The following TXNDC5 variants were observed in gnomAD, a reference collection of about 807,000 sequenced individuals.
TXNDC5 encodes the protein thioredoxin domain-containing protein 5.
A neutral mutation model predicts 52.6 loss-of-function variants in TXNDC5; 44 were observed. The observed-to-expected ratio is 0.84, with a 90% confidence interval of 0.66 to 1.08. TXNDC5 has a LOEUF of 1.08. Ranked by LOEUF, TXNDC5 falls within the 50% of genes least tolerant of loss-of-function variation. The pLI is 0.00. For missense variants in TXNDC5, 600 were observed against 565.5 expected (o/e 1.06, Z -0.62); for synonymous variants, 241 against 234.4 (o/e 1.03, Z -0.26).
At chr6:7,889,256 C>T in intron 6 of TXNDC5, 2 of 509,950 alleles carry the variant, frequency 3.9e-6, no homozygotes, top group South Asian at 3.0e-5. Context: ...TACCCTGTGA[C>T]TGTAAGATGT....
At chr6:7,910,106 C>T (rs1581335171) in intron 1 of TXNDC5, 1 of 986,238 alleles carries the variant, frequency 1.0e-6, no homozygotes, top group Non-Finnish European at 1.2e-6. Flanking sequence ...CGGGCTTTTC[C>T]CGGCTGTCCC....
In TXNDC5 at chr6:7,910,675, C is replaced by T; in HGVS notation, c.102G>A (p.Trp34Ter). Residue 34 changes from tryptophan to a stop codon, truncating the protein, a stop_gained, in exon 1 of 10, where the codon TGG becomes TGA. Transcript: ENST00000379757. LOFTEE classifies it high-confidence loss of function. The stretch of plus-strand genomic sequence containing the variant: ...CCGCCGCCTCCTGGGCCCGGGCGCC[C>T]CAGCGCCCGCCGCCGCCATGGCCCA... ...LLLGHGGGGR[W>*]GARAQEAAAA... 8.8e-7 allele frequency: 1 copy of T among 1,133,364 alleles called. No homozygotes were observed. Among genetic ancestry groups the T allele is most frequent in the South Asian group, 3.9e-5 (1 of 25,418 alleles). The allele number at this position is 1,133,364 out of a possible 1,614,324, so 70.2% of individuals were successfully genotyped here.
intron 5 of TXNDC5, 34 bp downstream of exon 5, chr6:7,891,587 G>C: frequency 6.4e-7 from 1 of 1,566,688 alleles, no homozygotes; most frequent in Non-Finnish European, 8.8e-7. Flanking sequence ...GCCCAAAGCA[G>C]TCCATTTCCA....
chr6:7,906,362 C>T (rs1214773929), intron 1 of TXNDC5, among the ~76,000 whole-genome samples: 1 of 151,720 alleles, frequency 6.6e-6, no homozygotes. Context: ...AAGGTGAAGC[C>T]CCATCTCTAC....
intron 1 of TXNDC5, among the ~76,000 whole-genome samples, chr6:7,906,239 A>C (rs1448837429): frequency 6.6e-6 from 1 of 151,402 alleles, no homozygotes; most frequent in African/African-American, 2.4e-5. Context: ...TTTGTCTCTT[A>C]AGAAAAAAAG....
rs531377366 is a variant in TXNDC5 at position 7,886,400 on chromosome 6, G to C, written c.964-357C>G. The stretch of plus-strand genomic sequence containing the variant: ...CTGTGGTGTGGACCAGGCAGCCCTG[G>C]GTGTCTGACACTTGAGTCTGCACCT... On this transcript the variant is annotated intron_variant, in intron 7 of 9. Coordinates refer to ENST00000379757, the MANE Select transcript of TXNDC5 (RefSeq NM_030810.5). Among the ~76,000 whole-genome samples the C allele has an allele frequency of 2.6e-4, 40 of 152,172 alleles. 1 individual carries two copies. In the South Asian group the frequency reaches 7.9e-3, roughly 30 times the overall value.
intron 1 of TXNDC5, among the ~76,000 whole-genome samples, chr6:7,906,897 G>A (rs1434586119): frequency 6.6e-6 from 1 of 152,230 alleles, no homozygotes; most frequent in Non-Finnish European, 1.5e-5. Flanking sequence ...TACATTAAGT[G>A]TGACCCTGCT....
In TXNDC5 at chr6:7,884,427, C is replaced by G; in HGVS notation, c.1108G>C (p.Gly370Arg). ...TCGGCGATCTTGACCCCCGCCAGAC[C>G]AGGGAATTCCTTTTTAGAGAGTTCC... ...WEELSKKEFP[G>R]LAGVKIAEVD... Residue 370 changes from glycine to arginine, a missense_variant, in exon 9 of 10, where the codon GGT becomes CGT. Gly to Arg is a moderately radical substitution (Grantham distance 125). Coordinates refer to ENST00000379757, the MANE Select transcript of TXNDC5 (RefSeq NM_030810.5). 6.2e-7 allele frequency: 1 copy of G among 1,614,138 alleles called. No individual in the cohort carries two copies. Among genetic ancestry groups the G allele is most frequent in the Non-Finnish European group, 8.5e-7 (1 of 1,180,020 alleles).
chr6:7,899,507 T>G, intron 3 of TXNDC5, 69 bp downstream of exon 3: 1 of 1,148,872 alleles, frequency 8.7e-7, no homozygotes. Context: ...CCGTTACATA[T>G]TACCCCAAAG....
At chr6:7,895,765 A>AG (rs1760348689) in intron 3 of TXNDC5, among the ~76,000 whole-genome samples, 1 of 152,108 alleles carries the variant, frequency 6.6e-6, no homozygotes. Context: ...CTGAGGCAAG[A>AG]GGACTGCTTG....
chr6:7,883,010 A>C lies in TXNDC5; in HGVS notation c.*134T>G. The C allele has an allele frequency of 1.6e-6, 2 of 1,215,166 alleles. No individual in the cohort carries two copies. Among genetic ancestry groups the C allele is most frequent in the South Asian group, 1.5e-5 (1 of 67,220 alleles). 75.3% of individuals were successfully genotyped at this position (1,215,166 alleles called of 1,614,324 possible). A position where few individuals can be genotyped will look rare whatever the true frequency, so the allele number is the denominator to read the frequency against. On this transcript the variant is annotated 3_prime_UTR_variant, in exon 10 of 10. Coordinates refer to ENST00000379757, the MANE Select transcript of TXNDC5 (RefSeq NM_030810.5). ...TGTTGGCTTGGAAAACACACACACA[A>C]AGAAGATACCTCACGCTTAGTATGT...
chr6:7,895,058 AG>A, intron 4 of TXNDC5, 47 bp downstream of exon 4: 1 of 1,592,334 alleles, frequency 6.3e-7, no homozygotes, highest in Non-Finnish European at 8.6e-7. Context: ...CAGCACGCCA[AG>A]GAATAATAGT....
intron 5 of TXNDC5, among the ~76,000 whole-genome samples, chr6:7,889,951 A>G (rs1022396109): frequency 6.6e-5 from 10 of 152,286 alleles, no homozygotes; most frequent in African/African-American, 1.9e-4. Context: ...GCTGTCGGTG[A>G]CTGGGACCCA....
chr6:7,910,429 G>A (rs559826247), intron 1 of TXNDC5, 85 bp downstream of exon 1: 5 of 1,229,950 alleles, frequency 4.1e-6, no homozygotes, highest in East Asian at 4.1e-5. Flanking sequence ...ACGTGGCCCC[G>A]GGACCCCCCG....
chr6:7,889,563 A>G lies in TXNDC5; in HGVS notation c.751T>C (p.Tyr251His), dbSNP rs71559189. The G allele has an allele frequency of 2.3e-4, 377 of 1,613,316 alleles. 1 individual carries two copies. The highest frequency in any genetic ancestry group is 2.9e-4 in the Non-Finnish European group (341 of 1,179,270). Residue 251 changes from tyrosine (Y) to histidine (H), a missense_variant, in exon 6 of 10, where the codon TAT becomes CAT. Physicochemically the swap from Tyr to His is moderately conservative, Grantham distance 83. Transcript: ENST00000379757. The part of the protein sequence containing the change: ...KIGKVDCTQH[Y>H]ELCSGNQVRG... ...ACCTGGTTTCCGGAGCAGAGTTCAT[A>G]GTGCTGTGTACAATCAACCTGAGAA...
At chr6:7,894,016 AG>A (rs1364676125) in intron 4 of TXNDC5, among the ~76,000 whole-genome samples, 1 of 152,242 alleles carries the variant, frequency 6.6e-6, no homozygotes, top group Non-Finnish European at 1.5e-5. Flanking sequence ...TTCTGATATT[AG>A]GAGACCATTT....
At chr6:7,902,066 G>C in intron 2 of TXNDC5, among the ~76,000 whole-genome samples, 1 of 152,164 alleles carries the variant, frequency 6.6e-6, no homozygotes, top group East Asian at 1.9e-4. Context: ...TGTGAGGACA[G>C]AGGACGGCAG....
Position 7,881,745 on chromosome 6 carries a change from C to CTGCTGTTATCTTCTGCCTCA in TXNDC5, c.*1379_*1398dup. The CTGCTGTTATCTTCTGCCTCA allele has an allele frequency of 6.6e-6, 1 of 152,302 alleles. No individual in the cohort carries two copies. Among genetic ancestry groups the CTGCTGTTATCTTCTGCCTCA allele is most frequent in the South Asian group, 2.1e-4 (1 of 4,828 alleles). 9.4% of individuals were successfully genotyped at this position (152,302 alleles called of 1,614,324 possible). On this transcript the variant is annotated 3_prime_UTR_variant, in exon 10 of 10. Coordinates refer to ENST00000379757, the MANE Select transcript of TXNDC5 (RefSeq NM_030810.5). The stretch of plus-strand genomic sequence containing the variant: ...TTTAAGGCAGAGGCTGGTCGAGATG[C>CTGCTGTTATCTTCTGCCTCA]TGCTGTTATCTTCTGCCTCAGACAG...
intron 1 of TXNDC5, chr6:7,910,109 G>C (rs1293486363): frequency 1.4e-5 from 14 of 986,256 alleles, no homozygotes; most frequent in Non-Finnish European, 1.6e-5. Context: ...GCTTTTCCCG[G>C]CTGTCCCCTA....
Sources: allele counts gnomAD v4.1 joint callset (sites outside exome capture counted in the v4.1 genomes callset), GRCh38; gene constraint gnomAD v4.1.1; transcripts MANE v1.5; gene names NCBI Gene and HGNC (gene_info 2026-07-23, HGNC 2026-07-21).